TLE1: variants seen among roughly 807,000 people sequenced by gnomAD.
The protein encoded by TLE1 is transducin-like enhancer protein 1.
In TLE1, 21 loss-of-function variants were observed where a neutral mutation model predicts 89.8. The ratio of observed to expected loss-of-function variants is 0.23; its 90% CI spans 0.17 to 0.34. The LOEUF (loss-of-function observed/expected upper bound fraction) is 0.34, where lower values mean the gene tolerates loss of function less well. Ranked by LOEUF, TLE1 falls within the 10% of genes least tolerant of loss-of-function variation. The pLI, the probability that TLE1 is intolerant of heterozygous loss-of-function variation, is 1.00. For missense variants in TLE1, 795 were observed against 1,031.2 expected (o/e 0.77, Z 3.14); for synonymous variants, 447 against 407.6 (o/e 1.10, Z -1.16).
chr9:81,586,973 A>C (rs1433081451), intron 17 of TLE1, among the ~76,000 whole-genome samples: 1 of 152,228 alleles, frequency 6.6e-6, no homozygotes. Flanking sequence ...GTAAAAAATA[A>C]ATGCCAAGTC....
chr9:81,687,965 C>G (rs1834564561), intron 1 of TLE1, among the ~76,000 whole-genome samples: 1 of 152,186 alleles, frequency 6.6e-6, no homozygotes, highest in East Asian at 2.0e-4. Flanking sequence ...AGGAGAGAAA[C>G]CCCAGCCTTC....
chr9:81,682,056 C>G (rs537136859), intron 4 of TLE1, among the ~76,000 whole-genome samples: 2 of 151,510 alleles, frequency 1.3e-5, no homozygotes, highest in Non-Finnish European at 2.9e-5. Flanking sequence ...AACCAGCCTG[C>G]GAACATGGGT....
chr9:81,591,381 C>G (rs891179682), intron 15 of TLE1, among the ~76,000 whole-genome samples: 3 of 152,222 alleles, frequency 2.0e-5, no homozygotes, highest in African/African-American at 7.2e-5. Context: ...CCTCATCACC[C>G]TGCATTATTT....
At chr9:81,616,516 C>T in intron 10 of TLE1, 130 bp downstream of exon 10, 1 of 850,254 alleles carries the variant, frequency 1.2e-6, no homozygotes, top group Middle Eastern at 3.3e-4. Flanking sequence ...CAACCATTAA[C>T]TTCTTAATGT....
chr9:81,663,034 T>TG (rs1215808812), intron 4 of TLE1, among the ~76,000 whole-genome samples: 1 of 152,006 alleles, frequency 6.6e-6, no homozygotes, highest in African/African-American at 2.4e-5. Flanking sequence ...TTTTAGTAGA[T>TG]GGGGTTTCAC....
intron 6 of TLE1, among the ~76,000 whole-genome samples, chr9:81,643,900 C>A (rs1337062395): frequency 6.6e-6 from 1 of 152,132 alleles, no homozygotes; most frequent in East Asian, 1.9e-4. Context: ...TGACCACTGC[C>A]TTGCTCATCC....
At chr9:81,649,680 A>G (rs944035348) in intron 6 of TLE1, among the ~76,000 whole-genome samples, 7 of 152,134 alleles carry the variant, frequency 4.6e-5, no homozygotes, top group African/African-American at 1.7e-4. Context: ...CAATACTGAC[A>G]GCTGCTATCA....
At chr9:81,688,014 G>C (rs1414583810) in intron 1 of TLE1, among the ~76,000 whole-genome samples, 2 of 152,084 alleles carry the variant, frequency 1.3e-5, no homozygotes, top group Non-Finnish European at 2.9e-5. Context: ...CGTCAAGTAG[G>C]AAGGAGCCCA....
At chr9:81,672,793 G>C (rs998553536) in intron 4 of TLE1, among the ~76,000 whole-genome samples, 1 of 151,942 alleles carries the variant, frequency 6.6e-6, no homozygotes, top group Admixed American at 6.6e-5. Context: ...ATACCTCCTA[G>C]TCCTTATTCT....
intron 1 of TLE1, 130 bp from the exon 2 acceptor site, chr9:81,687,564 A>C: frequency 1.5e-6 from 1 of 662,998 alleles, no homozygotes; most frequent in Non-Finnish European, 2.6e-6. Context: ...GAGGCCCCAA[A>C]CTCGAGTTTG....
chr9:81,681,338 G>A (rs931286218), intron 4 of TLE1, among the ~76,000 whole-genome samples: 2 of 152,088 alleles, frequency 1.3e-5, no homozygotes, highest in Non-Finnish European at 2.9e-5. Flanking sequence ...ATCACTTGAG[G>A]TCAGGAGTTC....
intron 9 of TLE1, among the ~76,000 whole-genome samples, chr9:81,618,425 C>T (rs1437172943): frequency 1.3e-5 from 2 of 152,166 alleles, no homozygotes; most frequent in Non-Finnish European, 2.9e-5. Flanking sequence ...ACCCAGAGCA[C>T]TACACGTGAG....
intron 18 of TLE1, 66 bp downstream of exon 18, chr9:81,585,438 AT>A: frequency 6.4e-7 from 1 of 1,572,352 alleles, no homozygotes; most frequent in Admixed American, 1.8e-5. Flanking sequence ...TCTCTACCAT[AT>A]TTTTTTAAGA....
At chr9:81,675,708 G>GTTTTTTT (rs61458315) in intron 4 of TLE1, among the ~76,000 whole-genome samples, 6 of 132,454 alleles carry the variant, frequency 4.5e-5, no homozygotes, top group African/African-American at 1.5e-4. Context: ...GTTTTTTTTT[G>GTTTTTTT]TTTTTTTTTT....
At chr9:81,622,556 C>T (rs1825403121) in intron 8 of TLE1, among the ~76,000 whole-genome samples, 1 of 152,244 alleles carries the variant, frequency 6.6e-6, no homozygotes, top group Admixed American at 6.5e-5. Context: ...CTTTCCGTGG[C>T]TGGACCTTTA....
intron 9 of TLE1, among the ~76,000 whole-genome samples, chr9:81,619,870 T>C (rs1825009540): frequency 6.6e-6 from 1 of 152,218 alleles, no homozygotes; most frequent in African/African-American, 2.4e-5. Flanking sequence ...AAGATGCCTC[T>C]GGGGTTTCTT....
intron 13 of TLE1, among the ~76,000 whole-genome samples, chr9:81,611,528 T>A (rs1169218746): frequency 6.6e-6 from 1 of 152,212 alleles, no homozygotes; most frequent in Non-Finnish European, 1.5e-5. Context: ...GCCTTTTTCA[T>A]CCACAAAAAC....
At chr9:81,683,268 T>C (rs1363848386) in intron 4 of TLE1, among the ~76,000 whole-genome samples, 4 of 151,878 alleles carry the variant, frequency 2.6e-5, no homozygotes, top group African/African-American at 7.3e-5. Context: ...AAAATGACAA[T>C]TTTTTGTGTC....
At chr9:81,687,499 C>A (rs1454205676) in intron 1 of TLE1, 65 bp from the exon 2 acceptor site, 5 of 1,258,510 alleles carry the variant, frequency 4.0e-6, no homozygotes, top group African/African-American at 1.5e-5. Context: ...AGCAGTAAGT[C>A]AGAGAAGGCA....
Sources: gnomAD v4.1 joint callset for allele counts (sites outside exome capture counted in the v4.1 genomes callset) on GRCh38, gnomAD v4.1.1 for gene constraint, MANE v1.5 for transcripts, NCBI Gene and HGNC (gene_info 2026-07-23, HGNC 2026-07-21) for gene names.